The following CEP295 variants were observed in gnomAD, a reference collection of about 807,000 sequenced individuals.
CEP295 encodes centrosomal protein of 295 kDa.
In CEP295, 190 loss-of-function variants were observed where a neutral mutation model predicts 291.6. That is an observed-to-expected ratio of 0.65 (90% CI 0.58 to 0.73). CEP295 has a LOEUF of 0.73. Among genes scored for constraint, CEP295 ranks in the 30% least tolerant of loss-of-function variants. The pLI is 0.00. For synonymous variants in CEP295, 993 were observed against 1,038.8 expected (o/e 0.96, Z 0.85); for missense variants, 2,863 against 2,949.4 (o/e 0.97, Z 0.68).
At chr11:93,729,293 T>C in intron 25 of CEP295, 141 bp from the exon 26 acceptor site, 2 of 637,600 alleles carry the variant, frequency 3.1e-6, no homozygotes, top group Non-Finnish European at 5.5e-6. Flanking sequence ...AAATCAGGCA[T>C]GGTGGCGGGT....
intron 18 of CEP295, among the ~76,000 whole-genome samples, chr11:93,711,643 C>T (rs1378943450): frequency 6.6e-6 from 1 of 152,130 alleles, no homozygotes; most frequent in Admixed American, 6.5e-5. Context: ...GCTGGGACTG[C>T]AGGCATGTGC....
In CEP295 at chr11:93,727,190, C is replaced by T. The variant is rs772884966; in HGVS notation, c.6714C>T (p.Val2238=). ...TTTCTATAGGAAACTTAAGTTCAGT[C>T]TACAGTTCATCTGATGAAGCTAATG... The part of the protein sequence containing the change: ...FQLSIGNLSS[V]YSSSDEANVF... The change falls in exon 24 of 30, where the codon GTC becomes GTT. Residue 2238 remains valine, a synonymous_variant. Coordinates refer to ENST00000325212, the MANE Select transcript of CEP295 (RefSeq NM_033395.2). The T allele has an allele frequency of 3.9e-5, 61 of 1,551,072 alleles. 1 individual carries two copies. The highest frequency in any genetic ancestry group is 4.4e-6 in the Non-Finnish European group (5 of 1,146,714).
Position 93,666,699 on chromosome 11 carries a change from T to C in CEP295, c.-9T>C, listed in dbSNP as rs1426916067. 2 of 1,419,702 alleles carry C rather than the reference T, an allele frequency of 1.4e-6. No homozygotes were observed. The highest frequency in any genetic ancestry group is 1.9e-6 in the Non-Finnish European group (2 of 1,034,414). 87.9% of individuals were successfully genotyped at this position (1,419,702 alleles called of 1,614,324 possible). A position where few individuals can be genotyped will look rare whatever the true frequency, so the allele number is the denominator to read the frequency against. ...GAATTCAGAACTGTCATACATAAAG[T>C]ACACAGAAATGAAGAGAAAAGTCGT... On this transcript the variant is annotated 5_prime_UTR_variant, in exon 2 of 30. Coordinates refer to ENST00000325212, the MANE Select transcript of CEP295 (RefSeq NM_033395.2).
At chr11:93,707,621 G>A (rs1952596817) in intron 18 of CEP295, among the ~76,000 whole-genome samples, 1 of 152,070 alleles carries the variant, frequency 6.6e-6, no homozygotes, top group Admixed American at 6.5e-5. Flanking sequence ...TTGGCCGGGT[G>A]TAGTGGTGGT....
intron 23 of CEP295, among the ~76,000 whole-genome samples, 180 bp downstream of exon 23, chr11:93,726,011 A>AT (rs1183385275): frequency 2.6e-5 from 4 of 152,240 alleles, no homozygotes; most frequent in Non-Finnish European, 5.9e-5. Context: ...AATACTGAAC[A>AT]TTATGAAATA....
chr11:93,722,935 CTT>C, intron 20 of CEP295, 104 bp from the exon 21 acceptor site: 1 of 818,072 alleles, frequency 1.2e-6, no homozygotes, highest in Non-Finnish European at 1.9e-6. Context: ...GTCTCCATCT[CTT>C]GACCTCGTGA....
intron 12 of CEP295, 138 bp downstream of exon 12, chr11:93,692,168 AG>A: frequency 1.7e-6 from 1 of 590,176 alleles, no homozygotes; most frequent in Non-Finnish European, 3.0e-6. Flanking sequence ...ACAAACATTC[AG>A]CTGATAAAAT....
chr11:93,697,221 C>T lies in CEP295; in HGVS notation c.2309C>T (p.Ser770Leu), dbSNP rs1040046485. The change falls in exon 15 of 30, where the codon TCA becomes TTA. Residue 770 changes from serine (S) to leucine (L), a missense_variant. Ser to Leu is a moderately radical substitution (Grantham distance 145). This residue lies in a region of CEP295 where 2,295 missense variants were observed against 2,335.7 expected (regional missense o/e 0.98). Transcript: ENST00000325212. Reference sequence around the variant, plus strand: ...AGTTTAGAATCCCAACAATTGTTCTCAGAGAATAGTGAAAATATATCTTAC... The same window carrying T: ...AGTTTAGAATCCCAACAATTGTTCTTAGAGAATAGTGAAAATATATCTTAC... ...FQSLESQQLFSENSENISYHL... is the reference protein window; with the variant it reads ...FQSLESQQLFLENSENISYHL... 1.9e-6 allele frequency: 3 copies of T among 1,551,564 alleles called. No homozygotes were observed. The African/African-American group carries it at 4.1e-5, about 21-fold the overall frequency.
At chr11:93,724,924 C>T (rs1451430733) in intron 22 of CEP295, among the ~76,000 whole-genome samples, 6 of 152,154 alleles carry the variant, frequency 3.9e-5, no homozygotes, top group African/African-American at 1.4e-4. Flanking sequence ...ATTTTTTAAG[C>T]TCCCCAAGTG....
chr11:93,703,322 GA>G (rs1022878623), intron 17 of CEP295, among the ~76,000 whole-genome samples: 114 of 137,952 alleles, frequency 8.3e-4, no homozygotes, highest in Middle Eastern at 3.7e-3. Flanking sequence ...AAAGGAGATG[GA>G]AAAAAAAAAA....
At chr11:93,692,083 A>G (rs1382277255) in intron 12 of CEP295, 53 bp downstream of exon 12, 7 of 1,017,346 alleles carry the variant, frequency 6.9e-6, no homozygotes, top group East Asian at 5.2e-5. Flanking sequence ...GTACTATTAT[A>G]TAATTTTGTT....
chr11:93,695,103 G>A (rs1951784857), intron 12 of CEP295, among the ~76,000 whole-genome samples: 1 of 152,134 alleles, frequency 6.6e-6, no homozygotes, highest in South Asian at 2.1e-4. Flanking sequence ...TATTTTAGGA[G>A]GCCTTGATAT....
chr11:93,669,095 G>A (rs1950316442), intron 4 of CEP295, among the ~76,000 whole-genome samples, 163 bp downstream of exon 4: 1 of 152,108 alleles, frequency 6.6e-6, no homozygotes, highest in African/African-American at 2.4e-5. Context: ...GGAATGATTT[G>A]CTTAGGTGAA....
At chr11:93,669,018 TTAAA>T in intron 4 of CEP295, 86 bp downstream of exon 4, 1 of 674,344 alleles carries the variant, frequency 1.5e-6, no homozygotes, top group Non-Finnish European at 2.4e-6. Flanking sequence ...TAAGCAAATA[TTAAA>T]TAAACATAGT....
intron 18 of CEP295, among the ~76,000 whole-genome samples, chr11:93,714,910 G>A (rs1953137412): frequency 6.6e-6 from 1 of 152,100 alleles, no homozygotes; most frequent in African/African-American, 2.4e-5. Context: ...AAGCACCCCT[G>A]TGGCCATCAT....
chr11:93,727,798 GAC>G (rs1954268992), intron 24 of CEP295, 161 bp downstream of exon 24: 1 of 592,044 alleles, frequency 1.7e-6, no homozygotes, highest in African/African-American at 1.9e-5. Flanking sequence ...AAGTAGTTTG[GAC>G]ACACCACAAT....
At chr11:93,673,754 A>G (rs1340852412) in intron 5 of CEP295, among the ~76,000 whole-genome samples, 1 of 151,958 alleles carries the variant, frequency 6.6e-6, no homozygotes, top group East Asian at 1.9e-4. Flanking sequence ...TGGCCTCCCA[A>G]AGTGCTAGGA....
At chr11:93,716,314 A>G (rs1180264847) in intron 18 of CEP295, among the ~76,000 whole-genome samples, 1 of 152,144 alleles carries the variant, frequency 6.6e-6, no homozygotes, top group Non-Finnish European at 1.5e-5. Context: ...TCCCCCAAGC[A>G]TACAGATTCT....
Position 93,698,168 on chromosome 11 carries a change from CAA to C in CEP295, c.3258_3259del (p.Asp1088PhefsTer5). 6.4e-7 allele frequency: 1 copy of C among 1,552,108 alleles called. No homozygotes were observed. The highest frequency in any genetic ancestry group is 8.7e-7 in the Non-Finnish European group (1 of 1,147,084). ...TCAGGTGGAATTACTTTTACATAGA[CAA>C]AGAGATTTGGGGGACAGTAAGTCTG... is the stretch of plus-strand genomic sequence containing the variant. ...EAQVELLLHR[Q>X]RDLGDSKSGL... On this transcript the variant is annotated frameshift_variant, in exon 15 of 30. Coordinates refer to ENST00000325212, the MANE Select transcript of CEP295 (RefSeq NM_033395.2). LOFTEE classifies it high-confidence loss of function.
Sources: allele counts gnomAD v4.1 joint callset (sites outside exome capture counted in the v4.1 genomes callset), GRCh38; gene constraint gnomAD v4.1.1; regional missense constraint gnomAD v4.1.1; transcripts MANE v1.5; gene names NCBI Gene and HGNC (gene_info 2026-07-23, HGNC 2026-07-21).